THRA: variants seen among roughly 807,000 people sequenced by gnomAD.
The protein encoded by THRA is EAR-7.
Under a neutral mutation model 45.0 loss-of-function variants are expected in THRA, and 13 were observed. The observed-to-expected ratio is 0.29, with a 90% CI of 0.19 to 0.46. The LOEUF (loss-of-function observed/expected upper bound fraction) is 0.46. Among genes scored for constraint, THRA ranks in the 20% least tolerant of loss-of-function variants. The pLI, the probability that THRA is intolerant of heterozygous loss-of-function variation, is 1.00. For synonymous variants in THRA, 195 were observed against 214.0 expected, an observed-to-expected ratio of 0.91 and a Z score of 0.78; for missense variants, 278 against 556.1, an observed-to-expected ratio of 0.50 and a Z score of 5.03.
rs1598392771 is a variant in THRA, at chr17:40,077,721, G to T, written c.222+113G>T. ...ACTTTTTTTTTTTTTCTTTGAGACGGAGTCTCACTCTTGTCCCCCAGGCTG... is the reference window on the plus strand; with the variant it reads ...ACTTTTTTTTTTTTTCTTTGAGACGTAGTCTCACTCTTGTCCCCCAGGCTG... On this transcript the variant is annotated intron_variant, in intron 4 of 8. Transcript: ENST00000450525. The T allele has an allele frequency of 7.5e-6, 6 of 803,600 alleles. No homozygotes were observed. The East Asian group carries it at 1.5e-4, about 21-fold the overall frequency. 49.8% of individuals were successfully genotyped at this position (803,600 alleles called of 1,614,324 possible). A position where few individuals can be genotyped will look rare whatever the true frequency, so the allele number is the denominator to read the frequency against.
Position 40,085,445 on chromosome 17 carries a change from C to T in THRA, c.576+630C>T, listed in dbSNP as rs568975791. Among the ~76,000 whole-genome samples the T allele has an allele frequency of 1.1e-4, 16 of 148,072 alleles. No homozygotes were observed. In the East Asian group the frequency reaches 1.8e-3, roughly 17 times the overall value. On this transcript the variant is annotated intron_variant, in intron 6 of 8. Transcript: ENST00000450525. Reference sequence around the variant, plus strand: ...GCCTCCTGGGTTCAAGCGATTCTCCCGCCTCCGTCTCCCGAGTAGTTGGGA... The same window carrying T: ...GCCTCCTGGGTTCAAGCGATTCTCCTGCCTCCGTCTCCCGAGTAGTTGGGA...
At chr17:40,088,988 C>T (rs1987433359) in intron 8 of THRA, among the ~76,000 whole-genome samples, 1 of 127,366 alleles carries the variant, frequency 7.9e-6, no homozygotes, top group African/African-American at 3.2e-5. Context: ...GCCCCCTCCC[C>T]CCAGTACCCC....
intron 1 of THRA, among the ~76,000 whole-genome samples, chr17:40,069,186 T>C (rs866643870): frequency 2.2e-5 from 3 of 138,746 alleles, no homozygotes; most frequent in Non-Finnish European, 4.6e-5. Flanking sequence ...TCCCTCCCTC[T>C]CTCTCTCTCA....
intron 4 of THRA, among the ~76,000 whole-genome samples, chr17:40,077,864 T>A (rs1395411210): frequency 1.3e-5 from 2 of 152,076 alleles, no homozygotes; most frequent in Non-Finnish European, 1.5e-5. Context: ...ACCCAGCTAG[T>A]TTTTTTGTAT....
Position 40,073,001 on chromosome 17 carries a change from T to C in THRA, c.-297-1191T>C, listed in dbSNP as rs556292866. ...TGTGCAATGCCCATGCTCTCCACAC[T>C]ACCAGCTTGCCTGGGTGCAGAGGCC... On this transcript the variant is annotated intron_variant, in intron 1 of 8. Coordinates refer to ENST00000450525, the MANE Select transcript of THRA (RefSeq NM_199334.5). Among the ~76,000 whole-genome samples, 200 of 152,318 alleles carry C rather than the reference T, an allele frequency of 1.3e-3. 1 individual carries two copies. Among genetic ancestry groups the C allele is most frequent in the African/African-American group, 4.6e-3 (193 of 41,570 alleles).
chr17:40,085,805 G>A (rs765661982), intron 6 of THRA, among the ~76,000 whole-genome samples: 3 of 152,026 alleles, frequency 2.0e-5, no homozygotes, highest in African/African-American at 4.8e-5. Context: ...CACCACGCCC[G>A]GCTAATTTTG....
chr17:40,066,821 T>TG (rs775767211), intron 1 of THRA, among the ~76,000 whole-genome samples: 45 of 152,356 alleles, frequency 3.0e-4, no homozygotes, highest in Middle Eastern at 3.4e-3. Context: ...CTCTGTCACT[T>TG]GCTGGATGTG....
In THRA at chr17:40,063,055, G is replaced by C. The variant is rs1167047700; in HGVS notation, c.-335G>C. On this transcript the variant is annotated 5_prime_UTR_variant, in exon 1 of 9. Transcript: ENST00000450525. ...CCCAGCACGGGGCGCTGAGACCCCC[G>C]CGTCGCTGCCCAGCCCGGTCCGGCG... 6.6e-6 allele frequency: 1 copy of C among 151,926 alleles called. No homozygotes were observed. The highest frequency in any genetic ancestry group is 1.9e-4 in the East Asian group (1 of 5,186). The allele number at this position is 151,926 out of a possible 1,614,324, so 9.4% of individuals were successfully genotyped here.
intron 4 of THRA, among the ~76,000 whole-genome samples, chr17:40,082,236 CAG>C (rs1987164024): frequency 2.1e-5 from 2 of 95,342 alleles, no homozygotes; most frequent in African/African-American, 4.1e-5. Context: ...TTTTTTGAGA[CAG>C]AGTTTTGCTC....
In THRA at chr17:40,085,556, A is replaced by C. The variant is rs867626553; in HGVS notation, c.576+741A>C. Among the ~76,000 whole-genome samples, 3 of 151,078 alleles carry C rather than the reference A, an allele frequency of 2.0e-5. No individual in the cohort carries two copies. In the Middle Eastern group the frequency reaches 0.011, roughly 532 times the overall value. The stretch of plus-strand genomic sequence containing the variant: ...ACCATGTTGACCAGGCTGGTCTCGA[A>C]CTCCTGACCTCAAGTGATCCACCCG... On this transcript the variant is annotated intron_variant, in intron 6 of 8. Transcript: ENST00000450525.
At chr17:40,093,600 C>T (rs1409517605), downstream of THRA, 4 of 763,740 alleles carry the variant, frequency 5.2e-6, no homozygotes, top group East Asian at 2.7e-5. The surrounding 1 kb of genome is among the most constrained non-coding windows in gnomAD (Gnocchi z 5.9). Flanking sequence ...GATGCCCTTC[C>T]CCCTTTCTCT....
intron 4 of THRA, among the ~76,000 whole-genome samples, chr17:40,083,004 G>T (rs1296931643): frequency 2.0e-4 from 30 of 147,640 alleles, no homozygotes; most frequent in Non-Finnish European, 3.7e-4. Flanking sequence ...CTTGGCTCGT[G>T]GCAAGCTCCA....
intron 1 of THRA, among the ~76,000 whole-genome samples, chr17:40,066,688 AAAC>A (rs1986584952): frequency 1.3e-5 from 1 of 74,708 alleles, no homozygotes; most frequent in Non-Finnish European, 2.6e-5. Flanking sequence ...AAAAAAAGAA[AAAC>A]AAAAAAGAAC....
chr17:40,086,981 A>G, intron 7 of THRA, 128 bp downstream of exon 7: 1 of 1,253,752 alleles, frequency 8.0e-7, no homozygotes, highest in East Asian at 2.6e-5. Flanking sequence ...ACATACACAG[A>G]TAACATACAC....
At position 40,076,912 on chromosome 17, in the gene THRA, A is replaced by G; in HGVS notation, c.95A>G (p.Gln32Arg). 2 of 1,614,136 alleles carry G rather than the reference A, an allele frequency of 1.2e-6. No homozygotes were observed. Among genetic ancestry groups the G allele is most frequent in the Non-Finnish European group, 1.7e-6 (2 of 1,180,000 alleles). The change falls in exon 3 of 9, where the codon CAA becomes CGA. Residue 32 changes from glutamine (Q) to arginine (R), a missense_variant. Physicochemically the swap from Gln to Arg is conservative, Grantham distance 43 (BLOSUM62 1). Coordinates refer to ENST00000450525, the MANE Select transcript of THRA (RefSeq NM_199334.5). ...GGAAAGCGAAAAAGAAAGAACGGCCAATGTTCCCTGAAAACCAGCATGTCA... is the reference window on the plus strand; with the variant it reads ...GGAAAGCGAAAAAGAAAGAACGGCCGATGTTCCCTGAAAACCAGCATGTCA... Reference protein sequence around the residue: ...PDGKRKRKNGQCSLKTSMSGY... With the variant: ...PDGKRKRKNGRCSLKTSMSGY...
Position 40,091,271 on chromosome 17 carries a change from C to CACACACACAT in THRA, c.*1815_*1816insACACACACAT, listed in dbSNP as rs1312308985. 9 of 152,244 alleles carry CACACACACAT rather than the reference C, an allele frequency of 5.9e-5. No homozygotes were observed. The highest frequency in any genetic ancestry group is 2.3e-4 in the African/African-American group (9 of 39,790). 9.4% of individuals were successfully genotyped at this position (152,244 alleles called of 1,614,324 possible). ...ACACACACACACACACACACACACA[C>CACACACACAT]GGACATGCACACACGGACATGGGAA... is the stretch of plus-strand genomic sequence containing the variant. On this transcript the variant is annotated 3_prime_UTR_variant, in exon 9 of 9. Transcript: ENST00000450525.
intron 1 of THRA, among the ~76,000 whole-genome samples, chr17:40,067,540 G>A (rs1328056984): frequency 6.6e-6 from 1 of 152,236 alleles, no homozygotes; most frequent in African/African-American, 2.4e-5. Context: ...GACCAGTGTG[G>A]TGGGCACAGC....
intron 1 of THRA, among the ~76,000 whole-genome samples, chr17:40,066,224 G>GC (rs1986558158): frequency 6.6e-6 from 1 of 152,180 alleles, no homozygotes; most frequent in Middle Eastern, 3.2e-3. Flanking sequence ...GAGACATCGA[G>GC]CCCGGGGGCA....
At position 40,076,867 on chromosome 17, in the gene THRA, C is replaced by T; in HGVS notation, c.54-4C>T. The T allele has an allele frequency of 6.2e-7, 1 of 1,614,118 alleles. No homozygotes were observed. The highest frequency in any genetic ancestry group is 8.5e-7 in the Non-Finnish European group (1 of 1,179,964). On this transcript the variant is annotated splice_region_variant and splice_polypyrimidine_tract_variant and intron_variant, in intron 2 of 8. Coordinates refer to ENST00000450525, the MANE Select transcript of THRA (RefSeq NM_199334.5). ...GTGATTCTGCCCACTTTGCCTCCAT[C>T]CAGTGCCAGGTCACCAGATGGAAAG...
Sources: gnomAD v4.1 joint callset for allele counts (sites outside exome capture counted in the v4.1 genomes callset) on GRCh38, gnomAD v4.1.1 for gene constraint, Gnocchi (gnomAD v3.1) non-coding constraint, MANE v1.5 for transcripts, NCBI Gene and HGNC (gene_info 2026-07-23, HGNC 2026-07-21) for gene names.